Variants in DNAH12 observed in about 807,000 individuals in gnomAD.
DNAH12 encodes the protein axonemal beta dynein heavy chain 12.
A neutral mutation model predicts 371.5 loss-of-function variants in DNAH12; 285 were observed. The observed-to-expected ratio is 0.77, with a 90% CI of 0.70 to 0.85. The LOEUF (loss-of-function observed/expected upper bound fraction) is 0.85, where lower values mean the gene tolerates loss of function less well. Ranked by LOEUF, DNAH12 falls within the 40% of genes least tolerant of loss-of-function variation. The probability of loss-of-function intolerance (pLI) is 0.00; values close to 1 mark genes in which losing one functional copy is unlikely to be tolerated. For missense variants in DNAH12, 3,611 were observed against 3,689.4 expected (o/e 0.98, Z 0.55); for synonymous variants, 1,200 against 1,213.0 (o/e 0.99, Z 0.22).
chr3:57,395,046 A>G (rs2063708383), intron 43 of DNAH12, among the ~76,000 whole-genome samples: 2 of 152,166 alleles, frequency 1.3e-5, no homozygotes, highest in Admixed American at 1.3e-4. Context: ...ATAAAAATAT[A>G]ATTATATTTA....
intron 62 of DNAH12, among the ~76,000 whole-genome samples, chr3:57,329,818 C>T (rs1379387664): frequency 1.3e-5 from 2 of 151,516 alleles, no homozygotes; most frequent in Non-Finnish European, 2.9e-5. Flanking sequence ...ACTTATCTGA[C>T]AAAAGGCTAA....
intron 42 of DNAH12, among the ~76,000 whole-genome samples, chr3:57,404,336 T>C (rs983245705): frequency 2.0e-5 from 3 of 152,044 alleles, no homozygotes; most frequent in Admixed American, 6.5e-5. Flanking sequence ...TCCAGTATTA[T>C]ACCATTTATA....
At chr3:57,454,728 A>G (rs1414667493) in intron 23 of DNAH12, 47 bp downstream of exon 23, 14 of 1,539,100 alleles carry the variant, frequency 9.1e-6, no homozygotes, top group Non-Finnish European at 1.2e-5. Flanking sequence ...TTAAATTTTA[A>G]AAAACCTGGA....
intron 52 of DNAH12, among the ~76,000 whole-genome samples, chr3:57,378,704 T>C (rs2063329879): frequency 6.6e-6 from 1 of 152,224 alleles, no homozygotes; most frequent in Non-Finnish European, 1.5e-5. Flanking sequence ...GGGTATTCCA[T>C]AAAAGGTTCT....
At chr3:57,448,566 C>CA (rs1186591413) in intron 25 of DNAH12, among the ~76,000 whole-genome samples, 1 of 152,162 alleles carries the variant, frequency 6.6e-6, no homozygotes, top group Non-Finnish European at 1.5e-5. Flanking sequence ...AGATTTATTG[C>CA]AAAAAGCAAA....
At chr3:57,376,136 A>G (rs944481636) in intron 53 of DNAH12, among the ~76,000 whole-genome samples, 171 bp from the exon 54 acceptor site, 19 of 152,024 alleles carry the variant, frequency 1.2e-4, no homozygotes, top group South Asian at 6.2e-4. Flanking sequence ...ACGCTATAAC[A>G]TGTATCTATA....
At chr3:57,546,158 G>A (rs2069558836), upstream of DNAH12, among the ~76,000 whole-genome samples, 1 of 152,098 alleles carries the variant, frequency 6.6e-6, no homozygotes, top group African/African-American at 2.4e-5. Context: ...AGCGGGGTCG[G>A]GGGACGAAGC....
intron 43 of DNAH12, among the ~76,000 whole-genome samples, chr3:57,396,885 T>G (rs887183013): frequency 0.8 from 121,899 of 152,142 alleles, 49,070 homozygotes; most frequent in East Asian, 1. Flanking sequence ...ATTAGCCAGG[T>G]ATGGTGACGG....
intron 32 of DNAH12, among the ~76,000 whole-genome samples, chr3:57,430,352 C>T (rs1197376616): frequency 1.3e-5 from 2 of 152,058 alleles, no homozygotes; most frequent in Non-Finnish European, 2.9e-5. Flanking sequence ...AACATTATCA[C>T]ACCTAACAAA....
At chr3:57,326,523 A>T (rs544275861) in intron 62 of DNAH12, among the ~76,000 whole-genome samples, 2 of 152,314 alleles carry the variant, frequency 1.3e-5, no homozygotes, top group African/African-American at 4.8e-5. Context: ...CAATTTTGTC[A>T]CCACCAGGCC....
intron 45 of DNAH12, among the ~76,000 whole-genome samples, chr3:57,389,836 ATAT>A (rs2063576228): frequency 8.9e-6 from 1 of 112,440 alleles, no homozygotes; most frequent in Non-Finnish European, 2.0e-5. Flanking sequence ...ATATATATAT[ATAT>A]AATACTTTTT....
rs1328968083 is a variant in DNAH12 at position 57,457,400 on chromosome 3, A to C, written c.3336+321T>G. Among the ~76,000 whole-genome samples, 3 of 152,146 alleles carry C rather than the reference A, an allele frequency of 2.0e-5. No homozygotes were observed. The East Asian group carries it at 5.8e-4, about 29-fold the overall frequency. ...CTAGATGCTCTCTCACTTGCTCTTT[A>C]CCTGGCTTATTCCTACCTGTCCTTT... On this transcript the variant is annotated intron_variant, in intron 22 of 73. Coordinates refer to ENST00000495027, the MANE Select transcript of DNAH12 (RefSeq NM_001366028.2).
intron 34 of DNAH12, among the ~76,000 whole-genome samples, chr3:57,427,977 G>T (rs1301758701): frequency 6.6e-6 from 1 of 151,822 alleles, no homozygotes; most frequent in Admixed American, 6.6e-5. Context: ...CGCCCAGGCT[G>T]GAGTGCAGTG....
chr3:57,456,458 A>G (rs1401247017), intron 22 of DNAH12, among the ~76,000 whole-genome samples: 1 of 152,234 alleles, frequency 6.6e-6, no homozygotes, highest in Non-Finnish European at 1.5e-5. Flanking sequence ...ATACGTGTTT[A>G]TCATTCAAGA....
At chr3:57,441,051 CAA>C (rs1425844186) in intron 29 of DNAH12, among the ~76,000 whole-genome samples, 1 of 151,698 alleles carries the variant, frequency 6.6e-6, no homozygotes, top group Non-Finnish European at 1.5e-5. Context: ...AGCTGATGAC[CAA>C]GAGAAAAAAC....
chr3:57,417,942 G>C (rs1479089559), intron 37 of DNAH12, among the ~76,000 whole-genome samples: 2 of 152,094 alleles, frequency 1.3e-5, no homozygotes, highest in African/African-American at 4.8e-5. Flanking sequence ...TTTGAGGCCA[G>C]GAGTTCAAGA....
intron 25 of DNAH12, among the ~76,000 whole-genome samples, chr3:57,450,939 T>C (rs1404560493): frequency 6.6e-6 from 1 of 152,234 alleles, no homozygotes; most frequent in East Asian, 1.9e-4. Context: ...CTCATATCCC[T>C]GCCCCAGGGG....
chr3:57,338,434 G>A (rs1211565632), intron 60 of DNAH12, among the ~76,000 whole-genome samples: 1 of 150,940 alleles, frequency 6.6e-6, no homozygotes, highest in African/African-American at 2.4e-5. Flanking sequence ...TCTCTGCCTG[G>A]CCGCCCATCA....
At chr3:57,503,462 C>T (rs2067633235) in intron 9 of DNAH12, among the ~76,000 whole-genome samples, 1 of 150,416 alleles carries the variant, frequency 6.6e-6, no homozygotes, top group South Asian at 2.1e-4. Flanking sequence ...GATCTTGGCT[C>T]ACTGCAACCT....
Sources: allele counts gnomAD v4.1 joint callset (sites outside exome capture counted in the v4.1 genomes callset), GRCh38; gene constraint gnomAD v4.1.1; transcripts MANE v1.5; gene names NCBI Gene and HGNC (gene_info 2026-07-23, HGNC 2026-07-21).